Variants in PCDHB7 observed in about 807,000 individuals in gnomAD.
The protein encoded by PCDHB7 is protocadherin beta-7.
For missense variants in PCDHB7, 1,148 were observed against 1,011.6 expected (o/e 1.13, Z -1.83); for synonymous variants, 542 against 463.1 (o/e 1.17, Z -2.19).
Position 141,173,708 on chromosome 5 carries a change from GTT to G in PCDHB7, c.875_876del (p.Phe292SerfsTer12), listed in dbSNP as rs782442783. 4 of 1,613,896 alleles carry G rather than the reference GTT, an allele frequency of 2.5e-6. No individual in the cohort carries two copies. The highest frequency in any genetic ancestry group is 3.4e-6 in the Non-Finnish European group (4 of 1,179,956). ...SYATERILKTFQINPTSGSLH... is the reference protein window; with the variant it reads ...SYATERILKTXQINPTSGSLH... ...ACGCCACTGAAAGAATTCTCAAAACGTTTCAAATCAATCCAACATCTGGCAGT... is the reference window on the plus strand; with the variant it reads ...ACGCCACTGAAAGAATTCTCAAAACGTCAAATCAATCCAACATCTGGCAGT... On this transcript the variant is annotated frameshift_variant, in exon 1 of 1. Coordinates refer to ENST00000231137, the MANE Select transcript of PCDHB7 (RefSeq NM_018940.4). LOFTEE classifies it low-confidence loss of function (END_TRUNC).
chr5:141,173,037 T>C lies in PCDHB7; in HGVS notation c.202T>C (p.Ser68Pro). 1 of 1,614,186 alleles carries C rather than the reference T, an allele frequency of 6.2e-7. No individual in the cohort carries two copies. Among genetic ancestry groups the C allele is most frequent in the Non-Finnish European group, 8.5e-7 (1 of 1,180,036 alleles). ...GAGAGCCCGGGGAACTAGAATTGTT[T>C]CAGACCAGAACATGCAAATTTTACT... ...ELRARGTRIVSDQNMQILLLS... is the reference protein window; with the variant it reads ...ELRARGTRIVPDQNMQILLLS... Residue 68 changes from serine to proline, a missense_variant, in exon 1 of 1, where the codon TCA becomes CCA. Ser to Pro is a moderately conservative substitution (Grantham distance 74). Transcript: ENST00000231137.
chr5:141,175,054 C>G lies in PCDHB7; in HGVS notation c.2219C>G (p.Thr740Ser), dbSNP rs142434001. 5.0e-6 allele frequency: 8 copies of G among 1,614,230 alleles called. No homozygotes were observed. The African/African-American group carries it at 8.0e-5, about 16-fold the overall frequency. Residue 740 changes from threonine to serine, a missense_variant, in exon 1 of 1, where the codon ACC becomes AGC. Transcript: ENST00000231137. ...FPRHLVDLSGTGTLSQSYQYE... is the reference protein window; with the variant it reads ...FPRHLVDLSGSGTLSQSYQYE... ...CGACATCTGGTGGACTTGAGCGGCA[C>G]CGGGACCCTATCCCAGAGCTACCAG...
rs1195993469 is a variant in PCDHB7, at chr5:141,175,986, T to C, written c.*769T>C. 6.0e-6 allele frequency: 1 copy of C among 167,264 alleles called. No homozygotes were observed. The highest frequency in any genetic ancestry group is 6.5e-5 in the Admixed American group (1 of 15,294). 10.4% of individuals were successfully genotyped at this position (167,264 alleles called of 1,614,324 possible). ...CTGCTTTTCTGGGTCAATTTTCAAC[T>C]ATTATTACTAATGCTCTGATCTGTC... On this transcript the variant is annotated 3_prime_UTR_variant, in exon 1 of 1. Coordinates refer to ENST00000231137, the MANE Select transcript of PCDHB7 (RefSeq NM_018940.4).
Position 141,176,280 on chromosome 5 carries a change from T to G in PCDHB7, c.*1063T>G, listed in dbSNP as rs377289432. On this transcript the variant is annotated 3_prime_UTR_variant, in exon 1 of 1. Coordinates refer to ENST00000231137, the MANE Select transcript of PCDHB7 (RefSeq NM_018940.4). ...TAGTGCACTATTGAATCAGGAAAAT[T>G]TAAGAAAAAGAATAGTTAGTTTTAA... is the stretch of plus-strand genomic sequence containing the variant. 1 of 167,120 alleles carries G rather than the reference T, an allele frequency of 6.0e-6. No homozygotes were observed. Among genetic ancestry groups the G allele is most frequent in the Non-Finnish European group, 1.5e-5 (1 of 68,128 alleles). The allele number at this position is 167,120 out of a possible 1,614,324, so 10.4% of individuals were successfully genotyped here. A position where few individuals can be genotyped will look rare whatever the true frequency, so the allele number is the denominator to read the frequency against.
chr5:141,174,227 C>T lies in PCDHB7; in HGVS notation c.1392C>T (p.Asn464=). The T allele has an allele frequency of 1.9e-6, 3 of 1,613,292 alleles. No individual in the cohort carries two copies. The highest frequency in any genetic ancestry group is 2.5e-6 in the Non-Finnish European group (3 of 1,180,036). The part of the protein sequence containing the change: ...TSYTLFVREN[N]SPALPIGSVS... ...ACACCCTGTTTGTCCGTGAGAACAA[C>T]AGCCCCGCCCTGCCCATCGGCAGTG... The change falls in exon 1 of 1, where the codon AAC becomes AAT. Residue 464 remains asparagine (N), a synonymous_variant. Coordinates refer to ENST00000231137, the MANE Select transcript of PCDHB7 (RefSeq NM_018940.4).
At position 141,172,855 on chromosome 5, in the gene PCDHB7, G is replaced by C; in HGVS notation, c.20G>C (p.Arg7Pro). 2 of 1,613,734 alleles carry C rather than the reference G, an allele frequency of 1.2e-6. No homozygotes were observed. The highest frequency in any genetic ancestry group is 1.7e-6 in the Non-Finnish European group (2 of 1,179,646). The change falls in exon 1 of 1, where the codon CGT (arginine) becomes CCT (proline). Residue 7 changes from arginine to proline, a missense_variant. Physicochemically the swap from Arg to Pro is moderately radical, Grantham distance 103. Transcript: ENST00000231137. Reference protein sequence around the residue: MEARVERAVQKRQVLFL... With the variant: MEARVEPAVQKRQVLFL... ...AGAAGAATGGAGGCCAGAGTGGAGC[G>C]TGCTGTGCAGAAAAGGCAAGTCTTA...
rs782141015 is a variant in PCDHB7 at position 141,172,790 on chromosome 5, C to A, written c.-46C>A. The A allele has an allele frequency of 6.6e-7, 1 of 1,509,702 alleles. No homozygotes were observed. Among genetic ancestry groups the A allele is most frequent in the Non-Finnish European group, 9.1e-7 (1 of 1,098,602 alleles). 93.5% of individuals were successfully genotyped at this position (1,509,702 alleles called of 1,614,324 possible). ...CCGCTGCTGCCATTTGTGAGAGCCG[C>A]TGGAGGCTGAGTGAAAGTCATTTTG... On this transcript the variant is annotated 5_prime_UTR_variant, in exon 1 of 1. In the 5' UTR this introduces an upstream ATG that the reference lacks. Transcript: ENST00000231137.
Position 141,173,997 on chromosome 5 carries a change from G to A in PCDHB7, c.1162G>A (p.Asp388Asn), listed in dbSNP as rs782535815. The A allele has an allele frequency of 1.2e-6, 2 of 1,614,120 alleles. No homozygotes were observed. The highest frequency in any genetic ancestry group is 1.3e-5 in the African/African-American group (1 of 75,022). ...NGKTVCSIQD[D>N]VPFILKPSVE... is the part of the protein sequence containing the mutation. ...AAAGACAGTGTGCTCCATCCAGGAC[G>A]ATGTCCCCTTCATCCTGAAGCCATC... The change falls in exon 1 of 1, where the codon GAT becomes AAT. Residue 388 changes from aspartate (D) to asparagine (N), a missense_variant. By Grantham distance (23) the Asp-to-Asn change is conservative. Transcript: ENST00000231137.
chr5:141,175,206 T>C lies in PCDHB7; in HGVS notation c.2371T>C (p.Leu791=), dbSNP rs781816876. ...AGAAAATCGCCCATTTCAGAATAAT[T>C]TGGGTTTCTGATAAAGAATGTAAAC... ...VEENRPFQNN[L]GF The change falls in exon 1 of 1, where the codon TTG becomes CTG. Residue 791 remains leucine, a synonymous_variant. Transcript: ENST00000231137. 3 of 1,601,576 alleles carry C rather than the reference T, an allele frequency of 1.9e-6. No individual in the cohort carries two copies. The highest frequency in any genetic ancestry group is 2.2e-5 in the East Asian group (1 of 44,672).
rs1476386726 is a variant in PCDHB7 at position 141,174,143 on chromosome 5, C to T, written c.1308C>T (p.Asn436=). 6.2e-7 allele frequency: 1 copy of T among 1,614,072 alleles called. No individual in the cohort carries two copies. Among genetic ancestry groups the T allele is most frequent in the Non-Finnish European group, 8.5e-7 (1 of 1,180,040 alleles). The part of the protein sequence containing the change: ...LGTPRLKTEH[N]ITVLVSDVND... The stretch of plus-strand genomic sequence containing the variant: ...CACCCAGGCTGAAAACCGAGCACAA[C>T]ATAACCGTGCTGGTCTCCGACGTCA... Residue 436 remains asparagine, a synonymous_variant, in exon 1 of 1, where the codon AAC becomes AAT. Transcript: ENST00000231137.
chr5:141,173,764 A>G lies in PCDHB7; in HGVS notation c.929A>G (p.Glu310Gly). The change falls in exon 1 of 1, where the codon GAG becomes GGG. Residue 310 changes from glutamate to glycine, a missense_variant. By Grantham distance (98) the Glu-to-Gly change is moderately conservative (BLOSUM62 -2). Transcript: ENST00000231137. The part of the protein sequence containing the change: ...SLHLKAQLDY[E>G]AIQTYTLTIQ... ...CATCTTAAAGCGCAATTGGACTATG[A>G]GGCAATTCAAACTTACACATTAACT... 1 of 1,614,134 alleles carries G rather than the reference A, an allele frequency of 6.2e-7. No individual in the cohort carries two copies. Among genetic ancestry groups the G allele is most frequent in the Non-Finnish European group, 8.5e-7 (1 of 1,179,998 alleles).
At position 141,173,226 on chromosome 5, in the gene PCDHB7, C is replaced by T. The variant is rs1554279945; in HGVS notation, c.391C>T (p.Pro131Ser). 1 of 1,613,978 alleles carries T rather than the reference C, an allele frequency of 6.2e-7. No homozygotes were observed. The highest frequency in any genetic ancestry group is 1.7e-5 in the Admixed American group (1 of 60,006). Residue 131 changes from proline (P) to serine (S), a missense_variant, in exon 1 of 1, where the codon CCA becomes TCA. By Grantham distance (74) the Pro-to-Ser change is moderately conservative. Coordinates refer to ENST00000231137, the MANE Select transcript of PCDHB7 (RefSeq NM_018940.4). ...LWVRDINDHAPVFLDREISLK... is the reference protein window; with the variant it reads ...LWVRDINDHASVFLDREISLK... ...GGTCAGAGACATCAATGATCACGCT[C>T]CAGTATTTCTAGACAGAGAGATTTC... is the stretch of plus-strand genomic sequence containing the variant.
chr5:141,173,646 ACCGGAAGTAATGGGGAAATAG>A lies in PCDHB7; in HGVS notation c.814_834del (p.Gly272_Ala278del). ...CTCCGTGTCAGCCAGAGATTTAGATACCGGAAGTAATGGGGAAATAGCCTATGCATTTTCTTACGCCACTGA... is the reference window on the plus strand; with the variant it reads ...CTCCGTGTCAGCCAGAGATTTAGATACCTATGCATTTTCTTACGCCACTGA... On this transcript the variant is annotated inframe_deletion, in exon 1 of 1. Transcript: ENST00000231137. The A allele has an allele frequency of 6.2e-7, 1 of 1,614,152 alleles. No homozygotes were observed. The highest frequency in any genetic ancestry group is 1.6e-4 in the Middle Eastern group (1 of 6,062).
chr5:141,172,943 G>T lies in PCDHB7; in HGVS notation c.108G>T (p.Ala36=). 1 of 1,614,220 alleles carries T rather than the reference G, an allele frequency of 6.2e-7. No homozygotes were observed. The highest frequency in any genetic ancestry group is 8.5e-7 in the Non-Finnish European group (1 of 1,180,040). ...CCGAACCGCTTCGGTATTTTGTGGC[G>T]GAGGAAACCGAGAGAGGCACCTTTC... ...AGAEPLRYFV[A]EETERGTFLT... is the part of the protein sequence containing the mutation. Residue 36 remains alanine (A), a synonymous_variant, in exon 1 of 1, where the codon GCG becomes GCT. Coordinates refer to ENST00000231137, the MANE Select transcript of PCDHB7 (RefSeq NM_018940.4).
chr5:141,175,226 G>A lies in PCDHB7; in HGVS notation c.*9G>A. 6.3e-7 allele frequency: 1 copy of A among 1,594,062 alleles called. No homozygotes were observed. The highest frequency in any genetic ancestry group is 8.5e-7 in the Non-Finnish European group (1 of 1,170,778). ...ATAATTTGGGTTTCTGATAAAGAAT[G>A]TAAACTAAATCCGCGTCTGTGAATA... is the stretch of plus-strand genomic sequence containing the variant. On this transcript the variant is annotated 3_prime_UTR_variant, in exon 1 of 1. Transcript: ENST00000231137.
rs1554279818 is a variant in PCDHB7, at chr5:141,172,757, A to T, written c.-79A>T. On this transcript the variant is annotated 5_prime_UTR_variant, in exon 1 of 1. An upstream open reading frame in the 5' UTR gains an earlier in-frame stop. Transcript: ENST00000231137. ...ACATTGCTATTATTCAGCTCATTTC[A>T]AAGGATTCCGCTGCTGCCATTTGTG... The T allele has an allele frequency of 7.5e-6, 9 of 1,200,088 alleles. No homozygotes were observed. 74.3% of individuals were successfully genotyped at this position (1,200,088 alleles called of 1,614,324 possible).
chr5:141,174,116 G>A lies in PCDHB7; in HGVS notation c.1281G>A (p.Gly427=). The change falls in exon 1 of 1, where the codon GGG becomes GGA. Residue 427 remains glycine, a synonymous_variant. Transcript: ENST00000231137. ...YNITITVTDL[G]TPRLKTEHNI... is the part of the protein sequence containing the mutation. ...TCACCATCACCGTCACCGACTTGGG[G>A]ACACCCAGGCTGAAAACCGAGCACA... 1 of 1,614,124 alleles carries A rather than the reference G, an allele frequency of 6.2e-7. No individual in the cohort carries two copies. The highest frequency in any genetic ancestry group is 1.7e-5 in the Admixed American group (1 of 60,028).
At position 141,176,179 on chromosome 5, in the gene PCDHB7, G is replaced by A. The variant is rs188249387; in HGVS notation, c.*962G>A. On this transcript the variant is annotated 3_prime_UTR_variant, in exon 1 of 1. Coordinates refer to ENST00000231137, the MANE Select transcript of PCDHB7 (RefSeq NM_018940.4). ...ATTTTCTTCATATTGTAGATTTTCT[G>A]CAGTCACCCATACTTAACATTTGTA... 5.0e-3 allele frequency: 828 copies of A among 167,066 alleles called. 5 individuals are homozygous for A. The highest frequency in any genetic ancestry group is 6.6e-3 in the South Asian group (32 of 4,828). 10.3% of individuals were successfully genotyped at this position (167,066 alleles called of 1,614,324 possible). A position where few individuals can be genotyped will look rare whatever the true frequency, so the allele number is the denominator to read the frequency against.
chr5:141,172,750 T>A lies in PCDHB7; in HGVS notation c.-86T>A. 9.3e-7 allele frequency: 1 copy of A among 1,076,482 alleles called. No individual in the cohort carries two copies. Among genetic ancestry groups the A allele is most frequent in the Non-Finnish European group, 1.4e-6 (1 of 726,394 alleles). 66.7% of individuals were successfully genotyped at this position (1,076,482 alleles called of 1,614,324 possible). ...CCCACAAACATTGCTATTATTCAGC[T>A]CATTTCAAAGGATTCCGCTGCTGCC... On this transcript the variant is annotated 5_prime_UTR_variant, in exon 1 of 1. Coordinates refer to ENST00000231137, the MANE Select transcript of PCDHB7 (RefSeq NM_018940.4).
Sources: gnomAD v4.1 joint callset for allele counts on GRCh38, gnomAD v4.1.1 for gene constraint, MANE v1.5 for transcripts, NCBI Gene and HGNC (gene_info 2026-07-23, HGNC 2026-07-21) for gene names.